The following ATP6V0E1 variants were observed in gnomAD, a reference collection of about 807,000 sequenced individuals.
ATP6V0E1 encodes V-type proton ATPase subunit e 1.
A neutral mutation model predicts 11.6 loss-of-function variants in ATP6V0E1; 4 were observed. The observed-to-expected ratio is 0.35, with a 90% confidence interval of 0.17 to 0.79. ATP6V0E1 has a LOEUF of 0.79. Ranked by LOEUF, ATP6V0E1 falls within the 30% of genes least tolerant of loss-of-function variation. ATP6V0E1 has a pLI of 0.54. For missense variants in ATP6V0E1, 105 were observed against 100.0 expected, an observed-to-expected ratio of 1.05 and a Z score of -0.21; for synonymous variants, 36 against 34.8, an observed-to-expected ratio of 1.04 and a Z score of -0.13.
At chr5:173,008,137 T>G (rs1756257384) in intron 2 of ATP6V0E1, among the ~76,000 whole-genome samples, 1 of 152,184 alleles carries the variant, frequency 6.6e-6, no homozygotes, top group African/African-American at 2.4e-5. Context: ...GTGCTCACTT[T>G]ACAGGAGAAA....
At chr5:172,992,951 C>T (rs1756008531) in intron 1 of ATP6V0E1, among the ~76,000 whole-genome samples, 1 of 152,056 alleles carries the variant, frequency 6.6e-6, no homozygotes, top group Admixed American at 6.6e-5. Context: ...GCGAGCACCA[C>T]CACGCCCAGC....
At chr5:172,997,356 G>A (rs1367878289) in intron 2 of ATP6V0E1, among the ~76,000 whole-genome samples, 1 of 152,010 alleles carries the variant, frequency 6.6e-6, no homozygotes, top group African/African-American at 2.4e-5. Flanking sequence ...CCAAATGTCA[G>A]TAATATGCAA....
intron 1 of ATP6V0E1, among the ~76,000 whole-genome samples, chr5:172,990,567 G>A (rs564435379): frequency 6.6e-6 from 1 of 151,904 alleles, no homozygotes; most frequent in Non-Finnish European, 1.5e-5. Flanking sequence ...GGTGGCTCAT[G>A]CCTGTAATCC....
chr5:173,021,533 G>A (rs1053912191), intron 3 of ATP6V0E1, among the ~76,000 whole-genome samples: 3 of 152,062 alleles, frequency 2.0e-5, no homozygotes, highest in African/African-American at 7.2e-5. Context: ...CTCCCACCAG[G>A]TCCCTCCCAC....
chr5:173,014,395 T>C (rs189162039), intron 2 of ATP6V0E1, among the ~76,000 whole-genome samples: 157 of 152,246 alleles, frequency 1.0e-3, no homozygotes, highest in African/African-American at 3.6e-3. Context: ...AATCAGTATA[T>C]ATAAAAGGTA....
At chr5:173,024,851 T>TC (rs1756532985) in intron 3 of ATP6V0E1, among the ~76,000 whole-genome samples, 1 of 149,332 alleles carries the variant, frequency 6.7e-6, no homozygotes, top group African/African-American at 2.4e-5. Flanking sequence ...TTTTTCTTTT[T>TC]TTTTTTTTTT....
At chr5:173,030,173 T>C (rs2113616537) in intron 3 of ATP6V0E1, among the ~76,000 whole-genome samples, 1 of 152,320 alleles carries the variant, frequency 6.6e-6, no homozygotes, top group Non-Finnish European at 1.5e-5. Flanking sequence ...TCTGAACATA[T>C]TTAGCTCTCC....
intron 3 of ATP6V0E1, among the ~76,000 whole-genome samples, chr5:173,023,579 T>G (rs945084858): frequency 6.6e-6 from 1 of 152,242 alleles, no homozygotes; most frequent in Non-Finnish European, 1.5e-5. Flanking sequence ...GCACAGTGGC[T>G]CATGCCTGTA....
At position 172,993,689 on chromosome 5, in the gene ATP6V0E1, C is replaced by CCA. The variant is rs1554118450; in HGVS notation, c.105-1085_105-1084insAC. On this transcript the variant is annotated intron_variant, in intron 1 of 3. Transcript: ENST00000519374. ...GGTCAACATATTGAGACCCCCCCCC[C>CCA]CGACCCCACCTCTCCAAAAAAAATT... Among the ~76,000 whole-genome samples the CCA allele has an allele frequency of 5.1e-4, 66 of 129,290 alleles. 3 individuals are homozygous for CCA. Among genetic ancestry groups the CCA allele is most frequent in the African/African-American group, 1.8e-3 (58 of 33,126 alleles). The allele number at this position is 129,290 out of a possible 152,430, so 84.8% of individuals were successfully genotyped here. A position where few individuals can be genotyped will look rare whatever the true frequency, so the allele number is the denominator to read the frequency against.
intron 1 of ATP6V0E1, among the ~76,000 whole-genome samples, chr5:172,989,209 G>A (rs1249600017): frequency 6.6e-6 from 1 of 152,114 alleles, no homozygotes. Context: ...GCATGGTGGT[G>A]TAGACCTGTG....
intron 1 of ATP6V0E1, among the ~76,000 whole-genome samples, chr5:172,992,857 G>C (rs1027416661): frequency 1.3e-5 from 2 of 152,014 alleles, no homozygotes; most frequent in Non-Finnish European, 2.9e-5. Context: ...GAGTGCAATA[G>C]CGCAATCTCG....
At position 173,034,500 on chromosome 5, in the gene ATP6V0E1, G is replaced by C; in HGVS notation, c.*138G>C. On this transcript the variant is annotated 3_prime_UTR_variant, in exon 4 of 4. Transcript: ENST00000519374. ...CCATTAGCTGCCTTAAACGTTAACAGCACATTTGAATGCCTTATTCTACAA... is the reference window on the plus strand; with the variant it reads ...CCATTAGCTGCCTTAAACGTTAACACCACATTTGAATGCCTTATTCTACAA... 1 of 699,890 alleles carries C rather than the reference G, an allele frequency of 1.4e-6. No homozygotes were observed. The highest frequency in any genetic ancestry group is 2.6e-6 in the Non-Finnish European group (1 of 382,442). The allele number at this position is 699,890 out of a possible 1,614,324, so 43.4% of individuals were successfully genotyped here.
intron 3 of ATP6V0E1, among the ~76,000 whole-genome samples, chr5:173,030,984 G>T (rs113449588): frequency 6.7e-6 from 1 of 149,412 alleles, no homozygotes; most frequent in Non-Finnish European, 1.5e-5. Flanking sequence ...TTGCTCTGTC[G>T]CCCAGACTGG....
At chr5:173,032,188 A>C (rs180766338) in intron 3 of ATP6V0E1, among the ~76,000 whole-genome samples, 9 of 152,144 alleles carry the variant, frequency 5.9e-5, no homozygotes, top group African/African-American at 2.2e-4. Context: ...ATAAAAATTT[A>C]TTCCAAAATC....
At chr5:172,987,440 T>C (rs1339675150) in intron 1 of ATP6V0E1, among the ~76,000 whole-genome samples, 1 of 152,026 alleles carries the variant, frequency 6.6e-6, no homozygotes, top group Non-Finnish European at 1.5e-5. Context: ...CCCACCACCA[T>C]GCCTGGCTAA....
intron 2 of ATP6V0E1, among the ~76,000 whole-genome samples, chr5:173,000,497 T>A (rs1756135782): frequency 6.6e-6 from 1 of 152,156 alleles, no homozygotes; most frequent in African/African-American, 2.4e-5. Context: ...TGCTGTGTCT[T>A]AGCACCTGAC....
rs774177676 is a variant in ATP6V0E1, at chr5:173,020,240, G to T, written c.155G>T (p.Trp52Leu). The T allele has an allele frequency of 9.3e-6, 15 of 1,611,466 alleles. No homozygotes were observed. The South Asian group carries it at 1.6e-4, about 18-fold the overall frequency. ...TTTCTCTCCCATCCTTCTTTTAGTTGGCTGATTGCAATTCTGGCCCAACTC... is the reference window on the plus strand; with the variant it reads ...TTTCTCTCCCATCCTTCTTTTAGTTTGCTGATTGCAATTCTGGCCCAACTC... ...VTCSVCCYLF[W>L]LIAILAQLNP... Residue 52 changes from tryptophan (W) to leucine (L), a missense_variant and splice_region_variant, in exon 3 of 4, where the codon TGG becomes TTG. By Grantham distance (61) the Trp-to-Leu change is moderately conservative. Coordinates refer to ENST00000519374, the MANE Select transcript of ATP6V0E1 (RefSeq NM_003945.4).
chr5:173,021,015 A>C (rs1222281898), intron 3 of ATP6V0E1: 3 of 469,544 alleles, frequency 6.4e-6, no homozygotes, highest in Non-Finnish European at 1.3e-5. Context: ...GGAATACATG[A>C]GACTGGGTAA....
At chr5:172,988,837 C>T (rs181275289) in intron 1 of ATP6V0E1, among the ~76,000 whole-genome samples, 239 of 152,250 alleles carry the variant, frequency 1.6e-3, no homozygotes, top group African/African-American at 4.8e-3. Flanking sequence ...TACAGGCGCA[C>T]GTCACCATGC....
Sources: allele counts gnomAD v4.1 joint callset (sites outside exome capture counted in the v4.1 genomes callset), GRCh38; gene constraint gnomAD v4.1.1; transcripts MANE v1.5; gene names NCBI Gene and HGNC (gene_info 2026-07-23, HGNC 2026-07-21).